Variants in ATP8A2 observed in about 807,000 individuals in gnomAD.
The protein encoded by ATP8A2 is phospholipid-transporting ATPase IB.
In ATP8A2, 100 loss-of-function variants were observed where a neutral mutation model predicts 165.6. The ratio of observed to expected loss-of-function variants is 0.60; its 90% CI spans 0.51 to 0.71. The LOEUF is 0.71. Among genes scored for constraint, ATP8A2 ranks in the 30% least tolerant of loss-of-function variants. The pLI is 0.00. For synonymous variants in ATP8A2, 543 were observed against 548.8 expected, an observed-to-expected ratio of 0.99 and a Z score of 0.15; for missense variants, 1,227 against 1,479.5, an observed-to-expected ratio of 0.83 and a Z score of 2.80.
At chr13:25,796,775 G>A (rs1044078485) in intron 27 of ATP8A2, among the ~76,000 whole-genome samples, 3 of 152,112 alleles carry the variant, frequency 2.0e-5, no homozygotes, top group African/African-American at 7.2e-5. Context: ...ATTAAATATG[G>A]ACATTGTAGC....
At chr13:25,810,745 G>A (rs1399434224) in intron 27 of ATP8A2, among the ~76,000 whole-genome samples, 1 of 152,012 alleles carries the variant, frequency 6.6e-6, no homozygotes, top group East Asian at 1.9e-4. Context: ...AGAGCAATAG[G>A]GTGTGGAGAA....
chr13:25,821,908 A>G (rs1034554365), intron 27 of ATP8A2, among the ~76,000 whole-genome samples: 3 of 152,206 alleles, frequency 2.0e-5, no homozygotes, highest in African/African-American at 7.2e-5. Flanking sequence ...AAACAGCTAT[A>G]TAAATAAAAC....
intron 33 of ATP8A2, among the ~76,000 whole-genome samples, chr13:25,901,223 G>A (rs1019247978): frequency 1.3e-5 from 2 of 152,150 alleles, no homozygotes; most frequent in Non-Finnish European, 2.9e-5. Flanking sequence ...ACTGGAAGGG[G>A]CCGATGAATA....
intron 27 of ATP8A2, among the ~76,000 whole-genome samples, chr13:25,816,737 T>C (rs1416466015): frequency 6.6e-6 from 1 of 152,148 alleles, no homozygotes; most frequent in African/African-American, 2.4e-5. Flanking sequence ...ATTCTTTCCT[T>C]ATAACCCTCC....
intron 24 of ATP8A2, among the ~76,000 whole-genome samples, chr13:25,651,208 G>C (rs2041803641): frequency 6.6e-6 from 1 of 152,120 alleles, no homozygotes; most frequent in Admixed American, 6.6e-5. Flanking sequence ...ATTTTGGGAG[G>C]CCAAGATGGG....
intron 2 of ATP8A2, among the ~76,000 whole-genome samples, chr13:25,496,730 A>G (rs976756628): frequency 1.3e-5 from 2 of 152,156 alleles, no homozygotes; most frequent in East Asian, 1.9e-4. Context: ...AAAAAGTCCT[A>G]TTTACTTAGA....
chr13:25,907,552 T>C (rs905275668), intron 33 of ATP8A2, among the ~76,000 whole-genome samples: 2 of 152,154 alleles, frequency 1.3e-5, no homozygotes, highest in Non-Finnish European at 1.5e-5. Flanking sequence ...ACTGAGCCAC[T>C]CAACAACCAT....
Position 25,558,980 on chromosome 13 carries a change from A to G in ATP8A2, c.1271A>G (p.Tyr424Cys), listed in dbSNP as rs1241474405. ...NLNEELGQVK[Y>C]LFSDKTGTLT... ...TTTTATTCTTTGGTTTAGGTGAAAT[A>G]TCTCTTTTCTGACAAGACTGGAACG... is the stretch of plus-strand genomic sequence containing the variant. Residue 424 changes from tyrosine to cysteine, a missense_variant, in exon 14 of 37, where the codon TAT becomes TGT. Physicochemically the swap from Tyr to Cys is radical, Grantham distance 194 (BLOSUM62 -2). Coordinates refer to ENST00000381655, the MANE Select transcript of ATP8A2 (RefSeq NM_016529.6). 2.5e-6 allele frequency: 4 copies of G among 1,604,050 alleles called. No individual in the cohort carries two copies. Among genetic ancestry groups the G allele is most frequent in the Admixed American group, 1.7e-5 (1 of 58,660 alleles).
chr13:25,379,752 C>A (rs1045790842), intron 1 of ATP8A2, among the ~76,000 whole-genome samples: 8 of 152,134 alleles, frequency 5.3e-5, no homozygotes, highest in African/African-American at 1.9e-4. Context: ...GATAGTGTGC[C>A]GTTTCTGCTA....
intron 34 of ATP8A2, among the ~76,000 whole-genome samples, chr13:25,964,531 T>C (rs1207655648): frequency 6.6e-6 from 1 of 152,210 alleles, no homozygotes; most frequent in Non-Finnish European, 1.5e-5. Flanking sequence ...AGATTTCTCT[T>C]TCTGAACTGC....
At chr13:25,972,550 G>A (rs1215504918) in intron 35 of ATP8A2, among the ~76,000 whole-genome samples, 5 of 152,186 alleles carry the variant, frequency 3.3e-5, no homozygotes, top group Non-Finnish European at 5.9e-5. Context: ...ACGTGTGACT[G>A]TTGGGGTTGA....
At chr13:25,605,697 A>G (rs1057510256) in intron 24 of ATP8A2, among the ~76,000 whole-genome samples, 3 of 152,182 alleles carry the variant, frequency 2.0e-5, no homozygotes, top group South Asian at 4.1e-4. Flanking sequence ...TTGTATCTCT[A>G]GATCAACTAA....
chr13:25,737,744 G>A (rs571953053), intron 25 of ATP8A2, among the ~76,000 whole-genome samples: 4 of 152,248 alleles, frequency 2.6e-5, no homozygotes, highest in South Asian at 4.1e-4. Flanking sequence ...GTGCAGTAGC[G>A]CGATCTCAGT....
intron 25 of ATP8A2, among the ~76,000 whole-genome samples, chr13:25,712,692 A>T (rs2043180219): frequency 6.6e-6 from 1 of 152,368 alleles, no homozygotes; most frequent in Admixed American, 6.5e-5. Context: ...TACTAAGCTT[A>T]GATTTCCATA....
At chr13:25,411,271 C>T (rs998118216) in intron 1 of ATP8A2, among the ~76,000 whole-genome samples, 1 of 152,192 alleles carries the variant, frequency 6.6e-6, no homozygotes, top group Non-Finnish European at 1.5e-5. Flanking sequence ...CTTTGTCCTA[C>T]TCAGCCAGAA....
intron 24 of ATP8A2, among the ~76,000 whole-genome samples, chr13:25,631,284 C>T (rs959585011): frequency 7.9e-5 from 12 of 152,028 alleles, no homozygotes; most frequent in South Asian, 2.1e-4. Flanking sequence ...CTAGTGCAAC[C>T]GAGGAATTGA....
At chr13:25,383,571 C>G (rs950890448) in intron 1 of ATP8A2, among the ~76,000 whole-genome samples, 1 of 152,168 alleles carries the variant, frequency 6.6e-6, no homozygotes, top group African/African-American at 2.4e-5. Context: ...GAAGTTTTAA[C>G]TTTAGCGAAA....
At chr13:25,622,038 C>A (rs1473456126) in intron 24 of ATP8A2, among the ~76,000 whole-genome samples, 1 of 151,976 alleles carries the variant, frequency 6.6e-6, no homozygotes, top group East Asian at 1.9e-4. Flanking sequence ...AAAAACATCT[C>A]TGCTAAAAAC....
At chr13:25,547,073 C>T (rs1399786011) in intron 10 of ATP8A2, among the ~76,000 whole-genome samples, 3 of 151,890 alleles carry the variant, frequency 2.0e-5, no homozygotes, top group African/African-American at 4.8e-5. Flanking sequence ...GAGGTTGCAG[C>T]GAGCCAAGAT....
Sources: allele counts gnomAD v4.1 joint callset (sites outside exome capture counted in the v4.1 genomes callset), GRCh38; gene constraint gnomAD v4.1.1; transcripts MANE v1.5; gene names NCBI Gene and HGNC (gene_info 2026-07-23, HGNC 2026-07-21).